TSC22D2: variants seen among roughly 807,000 people sequenced by gnomAD.
The protein encoded by TSC22D2 is TSC22 domain family member 2.
A neutral mutation model predicts 50.1 loss-of-function variants in TSC22D2; 5 were observed. The observed-to-expected ratio is 0.10, with a 90% CI of 0.05 to 0.21. TSC22D2 has a LOEUF of 0.21. TSC22D2 is among the 10% of genes least tolerant of loss of function. The probability of loss-of-function intolerance (pLI) is 1.00; values close to 1 mark genes in which losing one functional copy is unlikely to be tolerated. For missense variants in TSC22D2, 1,003 were observed against 1,015.5 expected, an observed-to-expected ratio of 0.99 and a Z score of 0.17; for synonymous variants, 501 against 450.1, an observed-to-expected ratio of 1.11 and a Z score of -1.43.
chr3:150,457,206 ACAAAT>A, intron 2 of TSC22D2, 79 bp downstream of exon 2: 1 of 1,347,458 alleles, frequency 7.4e-7, no homozygotes, highest in East Asian at 2.3e-5. Flanking sequence ...GTTTTAGAAA[ACAAAT>A]AAGTTATTTA....
chr3:150,441,211 G>C (rs1365981230), intron 1 of TSC22D2, among the ~76,000 whole-genome samples: 1 of 152,002 alleles, frequency 6.6e-6, no homozygotes, highest in Non-Finnish European at 1.5e-5. Flanking sequence ...TACCATCTTA[G>C]TGTTTGCATA....
intron 1 of TSC22D2, among the ~76,000 whole-genome samples, chr3:150,417,731 C>G (rs1243450360): frequency 6.6e-6 from 1 of 152,064 alleles, no homozygotes; most frequent in Non-Finnish European, 1.5e-5. Context: ...TTTCAGTGTC[C>G]AAACTGCTCT....
chr3:150,437,824 T>TAAATAAATA (rs1560087619), intron 1 of TSC22D2, among the ~76,000 whole-genome samples: 1 of 151,324 alleles, frequency 6.6e-6, no homozygotes, highest in Non-Finnish European at 1.5e-5. Flanking sequence ...AATAAATAAA[T>TAAATAAATA]AAATAAAATA....
rs34952294 is a variant in TSC22D2 at position 150,459,826 on chromosome 3, TAAAAA to T, written c.*1206_*1210del. ...GAGCTAGTGTACAATACACTAGTTG[TAAAAA>T]AAAAAAAAAAAAAAAGTGAGCCATC... On this transcript the variant is annotated 3_prime_UTR_variant, in exon 3 of 3. Coordinates refer to ENST00000688009, the MANE Select transcript of TSC22D2 (RefSeq NM_001303264.2). 1.6e-3 allele frequency: 226 copies of T among 138,224 alleles called. No homozygotes were observed. The highest frequency in any genetic ancestry group is 2.7e-3 in the African/African-American group (100 of 37,670). The allele number at this position is 138,224 out of a possible 1,614,324, so 8.6% of individuals were successfully genotyped here. A position where few individuals can be genotyped will look rare whatever the true frequency, so the allele number is the denominator to read the frequency against.
intron 1 of TSC22D2, among the ~76,000 whole-genome samples, chr3:150,455,845 G>C (rs538015307): frequency 6.6e-6 from 1 of 152,124 alleles, no homozygotes; most frequent in East Asian, 1.9e-4. Context: ...TACAGTATCA[G>C]ATTTTTCTTT....
Position 150,409,440 on chromosome 3 carries a change from C to G in TSC22D2, c.90C>G (p.Thr30=), listed in dbSNP as rs1719410083. ...AQVATSITED[T]ESLDDPDESR... is the part of the protein sequence containing the mutation. ...TGGCCACTAGCATCACCGAGGACAC[C>G]GAGAGCTTGGACGACCCGGACGAGT... The change falls in exon 1 of 3, where the codon ACC becomes ACG. Residue 30 remains threonine (T), a synonymous_variant. Coordinates refer to ENST00000688009, the MANE Select transcript of TSC22D2 (RefSeq NM_001303264.2). The surrounding 1 kb of genome is among the most constrained non-coding windows in gnomAD (Gnocchi z 7.4). 1 of 1,613,480 alleles carries G rather than the reference C, an allele frequency of 6.2e-7. No homozygotes were observed. Among genetic ancestry groups the G allele is most frequent in the Non-Finnish European group, 8.5e-7 (1 of 1,179,904 alleles).
At chr3:150,427,702 A>C (rs949683150) in intron 1 of TSC22D2, among the ~76,000 whole-genome samples, 1 of 152,082 alleles carries the variant, frequency 6.6e-6, no homozygotes, top group South Asian at 2.1e-4. Context: ...CTAGTAGAGG[A>C]TAGTACAAGA....
rs1721289197 is a variant in TSC22D2 at position 150,459,025 on chromosome 3, T to G, written c.*389T>G. ...GTTCATCTAAAGAGCCACTTTTCTTTCTGATTCAGTAACATTTGCCTACAT... is the reference window on the plus strand; with the variant it reads ...GTTCATCTAAAGAGCCACTTTTCTTGCTGATTCAGTAACATTTGCCTACAT... On this transcript the variant is annotated 3_prime_UTR_variant, in exon 3 of 3. Coordinates refer to ENST00000688009, the MANE Select transcript of TSC22D2 (RefSeq NM_001303264.2). 6.2e-6 allele frequency: 1 copy of G among 161,610 alleles called. No homozygotes were observed. The allele number at this position is 161,610 out of a possible 1,614,324, so 10.0% of individuals were successfully genotyped here.
In TSC22D2 at chr3:150,409,845, C is replaced by T; in HGVS notation, c.495C>T (p.Ile165=). ...CATGTAGTTCCCGTTTTCGCGTGAT[C>T]AAGCTGGACCACGGGAGCGGAGAGC... ...PTTCSSRFRV[I]KLDHGSGEPY... Residue 165 remains isoleucine (I), a synonymous_variant, in exon 1 of 3, where the codon ATC becomes ATT. Transcript: ENST00000688009. This position sits in a 1 kb window ranked among gnomAD's most constrained non-coding sequence, Gnocchi z 7.4. 6.2e-7 allele frequency: 1 copy of T among 1,608,518 alleles called. No homozygotes were observed. The highest frequency in any genetic ancestry group is 2.2e-5 in the East Asian group (1 of 44,872).
chr3:150,461,083 A>C lies in TSC22D2; in HGVS notation c.*2447A>C, dbSNP rs1399025268. ...AGTAGCAGGACTTAACATAGAAAGA[A>C]AGACAGGCTTTCCTGTGTACTTTTA... On this transcript the variant is annotated 3_prime_UTR_variant, in exon 3 of 3. Coordinates refer to ENST00000688009, the MANE Select transcript of TSC22D2 (RefSeq NM_001303264.2). 2.0e-5 allele frequency: 3 copies of C among 152,164 alleles called. No homozygotes were observed. Among genetic ancestry groups the C allele is most frequent in the Admixed American group, 6.5e-5 (1 of 15,272 alleles). The allele number at this position is 152,164 out of a possible 1,614,324, so 9.4% of individuals were successfully genotyped here.
intron 2 of TSC22D2, among the ~76,000 whole-genome samples, chr3:150,458,019 T>A (rs966918658): frequency 3.3e-5 from 5 of 152,240 alleles, no homozygotes; most frequent in Admixed American, 6.5e-5. Context: ...ATGACTAGTT[T>A]AACATCAAAC....
At position 150,464,940 on chromosome 3, in the gene TSC22D2, A is replaced by G. The variant is rs1446379155; in HGVS notation, c.*6304A>G. On this transcript the variant is annotated 3_prime_UTR_variant, in exon 3 of 3. Transcript: ENST00000688009. The stretch of plus-strand genomic sequence containing the variant: ...TCTATTGTCTCATAAGCAACAAGTG[A>G]CACTTATTATCTTGGCTGACAAAAT... 6.6e-6 allele frequency: 1 copy of G among 152,232 alleles called. No homozygotes were observed. Among genetic ancestry groups the G allele is most frequent in the Non-Finnish European group, 1.5e-5 (1 of 68,038 alleles). 9.4% of individuals were successfully genotyped at this position (152,232 alleles called of 1,614,324 possible).
rs1392030525 is a variant in TSC22D2 at position 150,462,600 on chromosome 3, T to A, written c.*3964T>A. On this transcript the variant is annotated 3_prime_UTR_variant, in exon 3 of 3. Transcript: ENST00000688009. ...TCCACAATGAACATCCCATTCCCAG[T>A]GTCAGGTATCAGGTGCCTATTTTCT... 6.5e-6 allele frequency: 1 copy of A among 152,812 alleles called. No homozygotes were observed. Among genetic ancestry groups the A allele is most frequent in the Non-Finnish European group, 1.5e-5 (1 of 68,670 alleles). The allele number at this position is 152,812 out of a possible 1,614,324, so 9.5% of individuals were successfully genotyped here.
At chr3:150,457,202 GAAAACAAATA>G in intron 2 of TSC22D2, 75 bp downstream of exon 2, 1 of 1,378,326 alleles carries the variant, frequency 7.3e-7, no homozygotes, top group Non-Finnish European at 1.0e-6. Context: ...GTCAGTTTTA[GAAAACAAATA>G]AGTTATTTAA....
At chr3:150,454,427 T>C (rs1721128737) in intron 1 of TSC22D2, among the ~76,000 whole-genome samples, 1 of 152,226 alleles carries the variant, frequency 6.6e-6, no homozygotes, top group South Asian at 2.1e-4. Context: ...CTAAAAAGTT[T>C]TAAAAATAGA....
chr3:150,456,404 T>A (rs998746522), intron 1 of TSC22D2, among the ~76,000 whole-genome samples: 3 of 152,040 alleles, frequency 2.0e-5, no homozygotes, highest in African/African-American at 7.2e-5. Flanking sequence ...GCCAGGCTGA[T>A]CTGGAACTCC....
intron 1 of TSC22D2, among the ~76,000 whole-genome samples, chr3:150,418,129 A>G (rs1719886194): frequency 1.3e-5 from 2 of 152,020 alleles, no homozygotes; most frequent in Non-Finnish European, 2.9e-5. Flanking sequence ...GTAAATACTC[A>G]TTAAGTAGGT....
At chr3:150,447,676 C>A (rs1241095417) in intron 1 of TSC22D2, among the ~76,000 whole-genome samples, 1 of 152,142 alleles carries the variant, frequency 6.6e-6, no homozygotes, top group East Asian at 1.9e-4. Flanking sequence ...AAGCCCCAGG[C>A]ATCCTTAGCA....
chr3:150,447,577 C>G (rs1353909662), intron 1 of TSC22D2, among the ~76,000 whole-genome samples: 1 of 152,108 alleles, frequency 6.6e-6, no homozygotes, highest in Non-Finnish European at 1.5e-5. Flanking sequence ...TTTATTTGCA[C>G]CACCTACTCC....
Sources: gnomAD v4.1 joint callset for allele counts (sites outside exome capture counted in the v4.1 genomes callset) on GRCh38, gnomAD v4.1.1 for gene constraint, Gnocchi (gnomAD v3.1) non-coding constraint, MANE v1.5 for transcripts, NCBI Gene and HGNC (gene_info 2026-07-23, HGNC 2026-07-21) for gene names.